The following IGFL2 variants were observed in gnomAD, a reference collection of about 807,000 sequenced individuals.
The protein encoded by IGFL2 is IGF like family member 2.
Under a neutral mutation model 13.9 loss-of-function variants are expected in IGFL2, and 7 were observed. That is an observed-to-expected ratio of 0.51 (90% CI 0.29 to 0.95). The LOEUF is 0.95. Among genes scored for constraint, IGFL2 ranks in the 40% least tolerant of loss-of-function variants. The pLI is 0.08. For synonymous variants in IGFL2, 55 were observed against 55.8 expected (o/e 0.99, Z 0.07); for missense variants, 138 against 147.8 (o/e 0.93, Z 0.34).
At chr19:46,119,604 A>G in the IGFL2 span, among the ~76,000 whole-genome samples, 1 of 151,012 alleles carries the variant, frequency 6.6e-6, no homozygotes, top group South Asian at 2.1e-4. Flanking sequence ...TACAACCTCA[A>G]CTAATAGCTG....
chr19:46,201,792 T>G, the IGFL2 span, among the ~76,000 whole-genome samples: 5 of 152,168 alleles, frequency 3.3e-5, no homozygotes, highest in Non-Finnish European at 5.9e-5. Flanking sequence ...AGGGCGGCAC[T>G]GAGATGTGGC....
At chr19:46,137,451 A>G in the IGFL2 span, 1 of 1,043,232 alleles carries the variant, frequency 9.6e-7, no homozygotes, top group Admixed American at 1.7e-5. Flanking sequence ...TCATACAGCC[A>G]ATCTTGAAGA....
At chr19:46,116,283 G>A in the IGFL2 span, among the ~76,000 whole-genome samples, 42 of 152,102 alleles carry the variant, frequency 2.8e-4, 1 homozygote, top group Middle Eastern at 3.4e-3. Context: ...AAGAGCTCTC[G>A]TTGTCTTTCT....
upstream of IGFL2, among the ~76,000 whole-genome samples, chr19:46,140,494 A>G (rs986688891): frequency 2.6e-5 from 4 of 152,188 alleles, no homozygotes; most frequent in Non-Finnish European, 4.4e-5. Context: ...CGTAGGCAAC[A>G]TAGCGAGACC....
chr19:46,096,900 A>T, the IGFL2 span, among the ~76,000 whole-genome samples: 1 of 152,176 alleles, frequency 6.6e-6, no homozygotes, highest in Non-Finnish European at 1.5e-5. Flanking sequence ...GCTTTCTGAT[A>T]TGCTGCTGGA....
the IGFL2 span, among the ~76,000 whole-genome samples, chr19:46,130,853 TTA>T: frequency 6.6e-6 from 1 of 152,164 alleles, no homozygotes; most frequent in Non-Finnish European, 1.5e-5. Context: ...CTTTTGTCTG[TTA>T]TATGTTTTCC....
intron 1 of IGFL2, 181 bp from the exon 2 acceptor site, chr19:46,160,234 C>A: frequency 1.6e-6 from 1 of 616,402 alleles, no homozygotes; most frequent in Non-Finnish European, 2.9e-6. Context: ...CCATGCTTCT[C>A]TGGCCCTGCT....
the IGFL2 span, among the ~76,000 whole-genome samples, chr19:46,178,566 A>G: frequency 6.6e-6 from 1 of 152,166 alleles, no homozygotes. Context: ...TTAGGTCTAA[A>G]AAGAAACATT....
chr19:46,170,179 C>T, the IGFL2 span, among the ~76,000 whole-genome samples: 18 of 152,024 alleles, frequency 1.2e-4, no homozygotes, highest in East Asian at 5.8e-4. Context: ...GAGTAAGAAT[C>T]GGGCTCTCAA....
the IGFL2 span, among the ~76,000 whole-genome samples, chr19:46,166,417 G>T: frequency 2.0e-5 from 3 of 152,128 alleles, no homozygotes; most frequent in African/African-American, 7.2e-5. Context: ...TATTTAACAG[G>T]GTAATAGAAT....
the IGFL2 span, among the ~76,000 whole-genome samples, chr19:46,174,756 A>G: frequency 6.6e-6 from 1 of 152,196 alleles, no homozygotes; most frequent in Non-Finnish European, 1.5e-5. Context: ...TGGAACTGGC[A>G]GGTGACTCCA....
chr19:46,081,630 C>A, the IGFL2 span, among the ~76,000 whole-genome samples: 1 of 152,146 alleles, frequency 6.6e-6, no homozygotes, highest in Non-Finnish European at 1.5e-5. Context: ...TGCAGCCTAG[C>A]CCTCAGCCAG....
At chr19:46,136,389 G>C in the IGFL2 span, among the ~76,000 whole-genome samples, 1 of 152,072 alleles carries the variant, frequency 6.6e-6, no homozygotes, top group Non-Finnish European at 1.5e-5. Flanking sequence ...TGGGCATCTT[G>C]TTCCACATGG....
At chr19:46,106,460 G>A in the IGFL2 span, among the ~76,000 whole-genome samples, 1 of 152,212 alleles carries the variant, frequency 6.6e-6, no homozygotes, top group East Asian at 1.9e-4. Context: ...GGACTGATGG[G>A]TGTCAGGGTC....
At chr19:46,102,496 A>C in the IGFL2 span, among the ~76,000 whole-genome samples, 1 of 152,308 alleles carries the variant, frequency 6.6e-6, no homozygotes, top group South Asian at 2.1e-4. Flanking sequence ...GAGGGTGTAT[A>C]GTACAAAGTA....
At chr19:46,156,576 T>C (rs934036985) in intron 1 of IGFL2, among the ~76,000 whole-genome samples, 5 of 152,190 alleles carry the variant, frequency 3.3e-5, no homozygotes, top group African/African-American at 1.2e-4. Flanking sequence ...CAAAGATTTT[T>C]AAAACTATAT....
At chr19:46,125,307 T>TA in the IGFL2 span, among the ~76,000 whole-genome samples, 1 of 152,172 alleles carries the variant, frequency 6.6e-6, no homozygotes, top group East Asian at 1.9e-4. Flanking sequence ...TCCAGCATCT[T>TA]AGTTACATGG....
At chr19:46,145,600 ATGTGTGTGTG>A (rs1024196099), upstream of IGFL2, among the ~76,000 whole-genome samples, 50 of 94,572 alleles carry the variant, frequency 5.3e-4, no homozygotes, top group Middle Eastern at 6.8e-3. Context: ...ACTCATATAT[ATGTGTGTGTG>A]TGTGTGTGTG....
the IGFL2 span, among the ~76,000 whole-genome samples, chr19:46,089,775 G>A: frequency 6.6e-6 from 1 of 151,716 alleles, no homozygotes; most frequent in Non-Finnish European, 1.5e-5. Flanking sequence ...GTTGCTTTCA[G>A]GATCCTATCT....
Sources: gnomAD v4.1 joint callset for allele counts (sites outside exome capture counted in the v4.1 genomes callset) on GRCh38, gnomAD v4.1.1 for gene constraint, MANE v1.5 for transcripts, NCBI Gene and HGNC (gene_info 2026-07-23, HGNC 2026-07-21) for gene names.